Variants in TRPM7 observed in about 807,000 individuals in gnomAD.
The protein encoded by TRPM7 is transient receptor potential cation channel subfamily M member 7, also known as LTRPC ion channel family member 7.
A neutral mutation model predicts 229.7 loss-of-function variants in TRPM7; 134 were observed. The ratio of observed to expected loss-of-function variants is 0.58; its 90% confidence interval spans 0.51 to 0.67. The LOEUF (loss-of-function observed/expected upper bound fraction) is 0.67. Ranked by LOEUF, TRPM7 falls within the 30% of genes least tolerant of loss-of-function variation. The probability of loss-of-function intolerance (pLI) is 0.00; values close to 1 mark genes in which losing one functional copy is unlikely to be tolerated. For missense variants in TRPM7, 1,901 were observed against 2,210.0 expected, an observed-to-expected ratio of 0.86 and a Z score of 2.80; for synonymous variants, 699 against 715.2, an observed-to-expected ratio of 0.98 and a Z score of 0.36.
At chr15:50,580,936 C>A (rs1375325606) in intron 29 of TRPM7, 28 bp from the exon 30 acceptor site, 2 of 1,563,268 alleles carry the variant, frequency 1.3e-6, no homozygotes, top group Admixed American at 2.1e-5. Flanking sequence ...CACACACACA[C>A]AAAAACCTTA....
intron 10 of TRPM7, 51 bp downstream of exon 10, chr15:50,631,366 A>G (rs1395696122): frequency 8.8e-7 from 1 of 1,132,564 alleles, no homozygotes; most frequent in Non-Finnish European, 1.3e-6. Context: ...ACACACATAT[A>G]CATACATAAA....
chr15:50,611,231 C>A lies in TRPM7; in HGVS notation c.2142G>T (p.Lys714Asn). ...TAAGGCAGGTTGAATTACTCCAGTT[C>A]TTCAGTTCATAAGTGAGCAATTTCA... ...MAMKLLTYELKNWSNSTCLKL... is the reference protein window; with the variant it reads ...MAMKLLTYELNNWSNSTCLKL... Residue 714 changes from lysine (K) to asparagine (N), a missense_variant, in exon 17 of 39, where the codon AAG becomes AAT. Physicochemically the swap from Lys to Asn is moderately conservative, Grantham distance 94. Transcript: ENST00000646667. 6.2e-7 allele frequency: 1 copy of A among 1,613,970 alleles called. No individual in the cohort carries two copies. Among genetic ancestry groups the A allele is most frequent in the Admixed American group, 1.7e-5 (1 of 59,998 alleles).
At position 50,587,405 on chromosome 15, in the gene TRPM7, C is replaced by CTTTTTT. The variant is rs34826776; in HGVS notation, c.4390-923_4390-918dup. The stretch of plus-strand genomic sequence containing the variant: ...GGCTTTACTGGCTCAATAAATACTG[C>CTTTTTT]TTTTTTTTTTTTTTTTTTTGAGATG... On this transcript the variant is annotated intron_variant, in intron 27 of 38. Coordinates refer to ENST00000646667, the MANE Select transcript of TRPM7 (RefSeq NM_017672.6). Among the ~76,000 whole-genome samples, 19 of 91,652 alleles carry CTTTTTT rather than the reference C, an allele frequency of 2.1e-4. 2 individuals carry two copies. Among genetic ancestry groups the CTTTTTT allele is most frequent in the Non-Finnish European group, 3.2e-4 (15 of 46,860 alleles). The allele number at this position is 91,652 out of a possible 152,430, so 60.1% of individuals were successfully genotyped here. A position where few individuals can be genotyped will look rare whatever the true frequency, so the allele number is the denominator to read the frequency against.
intron 1 of TRPM7, among the ~76,000 whole-genome samples, chr15:50,678,517 AATAT>A (rs71127114): frequency 0.035 from 4,631 of 132,496 alleles, 103 homozygotes; most frequent in Middle Eastern, 0.07. Context: ...AAAAAAAAAA[AATAT>A]ATATATATAT....
intron 28 of TRPM7, 70 bp from the exon 29 acceptor site, chr15:50,583,229 C>CA: frequency 1.8e-6 from 2 of 1,106,522 alleles, no homozygotes; most frequent in Non-Finnish European, 2.7e-6. Context: ...TAACCAAACA[C>CA]AAAGTATTCT....
chr15:50,592,161 A>G lies in TRPM7; in HGVS notation c.4074T>C (p.Ser1358=). ...GTCGCAGTTCTGGAGGGGAAACAGC[A>G]CTTGGGAATAAGGCACCAGAAGAGG... ...AGSSSGALFP[S]AVSPPELRQR... The change falls in exon 26 of 39, where the codon AGT becomes AGC. Residue 1358 remains serine (S), a synonymous_variant. Transcript: ENST00000646667. 1.9e-6 allele frequency: 3 copies of G among 1,614,036 alleles called. No individual in the cohort carries two copies. Among genetic ancestry groups the G allele is most frequent in the Non-Finnish European group, 2.5e-6 (3 of 1,179,976 alleles).
intron 23 of TRPM7, 85 bp downstream of exon 23, chr15:50,596,170 A>G: frequency 9.9e-7 from 1 of 1,005,038 alleles, no homozygotes; most frequent in Non-Finnish European, 1.3e-6. Flanking sequence ...AAATTTTTAG[A>G]TTTTAAGTTC....
chr15:50,636,519 C>G (rs1014826108), intron 7 of TRPM7, among the ~76,000 whole-genome samples: 1 of 152,174 alleles, frequency 6.6e-6, no homozygotes, highest in African/African-American at 2.4e-5. Context: ...AAAGTTCTGA[C>G]TCCACCATAA....
chr15:50,626,225 AT>A (rs1260104030), intron 11 of TRPM7, among the ~76,000 whole-genome samples: 1 of 151,970 alleles, frequency 6.6e-6, no homozygotes. Context: ...ATTATAAATC[AT>A]TTTTTCTGTC....
intron 26 of TRPM7, 95 bp downstream of exon 26, chr15:50,591,812 CTATG>C (rs1318819144): frequency 1.1e-6 from 1 of 894,398 alleles, no homozygotes; most frequent in Non-Finnish European, 1.6e-6. Flanking sequence ...TAATTATACT[CTATG>C]AAAAGATAAT....
chr15:50,583,325 ATTTAT>A (rs2054517357), intron 28 of TRPM7, among the ~76,000 whole-genome samples, 166 bp from the exon 29 acceptor site: 1 of 152,164 alleles, frequency 6.6e-6, no homozygotes, highest in African/African-American at 2.4e-5. Context: ...AAATTATTCA[ATTTAT>A]TTTGAGTAAA....
chr15:50,600,621 T>A lies in TRPM7; in HGVS notation c.2989-1325A>T, dbSNP rs550255232. Among the ~76,000 whole-genome samples the A allele has an allele frequency of 4.6e-5, 7 of 152,268 alleles. 1 individual carries two copies. The highest frequency in any genetic ancestry group is 6.8e-3 in the Middle Eastern group (2 of 294). On this transcript the variant is annotated intron_variant, in intron 21 of 38. Coordinates refer to ENST00000646667, the MANE Select transcript of TRPM7 (RefSeq NM_017672.6). ...ACTTAAAATAATTGTAATGACAACT[T>A]AAAATAAATTATGACATTTCCATAT...
chr15:50,593,497 T>G (rs1002192944), intron 25 of TRPM7, 120 bp downstream of exon 25: 8 of 1,093,646 alleles, frequency 7.3e-6, no homozygotes, highest in African/African-American at 1.6e-5. Context: ...ATACATCATG[T>G]AAAACTGTAA....
intron 10 of TRPM7, among the ~76,000 whole-genome samples, chr15:50,631,139 C>T (rs748952119): frequency 7.9e-5 from 12 of 152,070 alleles, no homozygotes; most frequent in Non-Finnish European, 1.5e-4. Flanking sequence ...GGATGTTAGA[C>T]GTTCTTAATA....
intron 13 of TRPM7, among the ~76,000 whole-genome samples, chr15:50,614,483 T>C (rs932508297): frequency 1.3e-5 from 2 of 151,934 alleles, no homozygotes; most frequent in African/African-American, 4.8e-5. Context: ...ACCAACATGA[T>C]GAAACCCCTT....
At chr15:50,582,050 C>A (rs1324623575) in intron 29 of TRPM7, among the ~76,000 whole-genome samples, 1 of 152,166 alleles carries the variant, frequency 6.6e-6, no homozygotes, top group Non-Finnish European at 1.5e-5. Flanking sequence ...GCAACCTCCA[C>A]CTCCCTGGTT....
At chr15:50,656,495 TTTTC>T (rs1374063743) in intron 3 of TRPM7, among the ~76,000 whole-genome samples, 8 of 146,560 alleles carry the variant, frequency 5.5e-5, no homozygotes, top group Admixed American at 2.2e-4. Flanking sequence ...TTGTGTGTGG[TTTTC>T]TTTTTTTTTT....
chr15:50,599,883 A>G (rs777583256), intron 21 of TRPM7, among the ~76,000 whole-genome samples: 2 of 152,232 alleles, frequency 1.3e-5, no homozygotes, highest in African/African-American at 2.4e-5. Context: ...TGTCTGGGAA[A>G]CAAATACTTT....
At chr15:50,644,652 A>C (rs1427311413) in intron 4 of TRPM7, among the ~76,000 whole-genome samples, 2 of 152,008 alleles carry the variant, frequency 1.3e-5, no homozygotes, top group Non-Finnish European at 2.9e-5. Flanking sequence ...AATACAAAAA[A>C]ATTAGCTAGG....
Sources: allele counts gnomAD v4.1 joint callset (sites outside exome capture counted in the v4.1 genomes callset), GRCh38; gene constraint gnomAD v4.1.1; transcripts MANE v1.5; gene names NCBI Gene and HGNC (gene_info 2026-07-23, HGNC 2026-07-21).